Variants in KCNH7 observed in about 807,000 individuals in gnomAD.
KCNH7 encodes voltage-gated inwardly rectifying potassium channel KCNH7.
A neutral mutation model predicts 120.8 loss-of-function variants in KCNH7; 49 were observed. The ratio of observed to expected loss-of-function variants is 0.41; its 90% CI spans 0.32 to 0.51. KCNH7 has a LOEUF of 0.51. KCNH7 is among the 20% of genes least tolerant of loss of function. The probability of loss-of-function intolerance (pLI) is 0.38; values close to 1 mark genes in which losing one functional copy is unlikely to be tolerated. For missense variants in KCNH7, 1,097 were observed against 1,446.6 expected, an observed-to-expected ratio of 0.76 and a Z score of 3.92; for synonymous variants, 547 against 516.1, an observed-to-expected ratio of 1.06 and a Z score of -0.81.
At chr2:162,773,149 T>C (rs1470645048) in intron 2 of KCNH7, among the ~76,000 whole-genome samples, 1 of 152,184 alleles carries the variant, frequency 6.6e-6, no homozygotes, top group African/African-American at 2.4e-5. Context: ...TTAAACAAGA[T>C]AATTTGTAAC....
rs1422898473 is a variant in KCNH7 at position 162,384,958 on chromosome 2, A to C, written c.2711-19T>G. On this transcript the variant is annotated intron_variant, in intron 12 of 15. Transcript: ENST00000332142. ...CTGTTTTCTTTGCCAAAATATATCA[A>C]AGAAAAGTTATTTTATAGCAGACAA... 6.3e-6 allele frequency: 10 copies of C among 1,581,190 alleles called. No individual in the cohort carries two copies. Among genetic ancestry groups the C allele is most frequent in the Non-Finnish European group, 8.6e-6 (10 of 1,161,358 alleles).
intron 2 of KCNH7, among the ~76,000 whole-genome samples, chr2:162,574,507 C>T (rs1170739199): frequency 1.3e-5 from 2 of 151,952 alleles, no homozygotes; most frequent in Non-Finnish European, 2.9e-5. Flanking sequence ...CATAAGTGCA[C>T]TTGAAATGTA....
chr2:162,733,242 T>C (rs1042363125), intron 2 of KCNH7, among the ~76,000 whole-genome samples: 6 of 152,188 alleles, frequency 3.9e-5, no homozygotes, highest in African/African-American at 1.4e-4. Context: ...GCATGGATCG[T>C]TCCCAGATTC....
At chr2:162,426,625 T>C (rs1168270450) in intron 8 of KCNH7, among the ~76,000 whole-genome samples, 2 of 152,200 alleles carry the variant, frequency 1.3e-5, no homozygotes, top group Non-Finnish European at 2.9e-5. Context: ...ATATATTTGG[T>C]TGGTCAGAAG....
At chr2:162,577,370 T>TATCTATCTATCC (rs1187685455) in intron 2 of KCNH7, among the ~76,000 whole-genome samples, 13 of 150,532 alleles carry the variant, frequency 8.6e-5, no homozygotes, top group South Asian at 2.1e-4. Flanking sequence ...TCTATCTATC[T>TATCTATCTATCC]ATCTATCTAT....
chr2:162,429,806 G>GT (rs1410569497), intron 8 of KCNH7, among the ~76,000 whole-genome samples: 2 of 150,550 alleles, frequency 1.3e-5, no homozygotes, highest in Non-Finnish European at 3.0e-5. Context: ...TGGTTTTATA[G>GT]TTTTCATTAA....
intron 2 of KCNH7, among the ~76,000 whole-genome samples, chr2:162,671,375 T>C (rs1559074356): frequency 1.3e-5 from 2 of 149,370 alleles, no homozygotes; most frequent in Middle Eastern, 6.9e-3. Context: ...ATTCAGCCAT[T>C]AAAAAAATGA....
intron 14 of KCNH7, among the ~76,000 whole-genome samples, chr2:162,377,201 A>C (rs1686227759): frequency 6.6e-6 from 1 of 152,130 alleles, no homozygotes; most frequent in Non-Finnish European, 1.5e-5. Flanking sequence ...GTGGAGGTGA[A>C]AGGTTGTTAA....
At chr2:162,542,801 T>C (rs1692355431) in intron 2 of KCNH7, among the ~76,000 whole-genome samples, 2 of 152,112 alleles carry the variant, frequency 1.3e-5, no homozygotes, top group African/African-American at 4.8e-5. Flanking sequence ...GTATTTCTAG[T>C]TCTAGATCCC....
intron 2 of KCNH7, among the ~76,000 whole-genome samples, chr2:162,606,616 G>A (rs866855889): frequency 1.3e-5 from 2 of 152,040 alleles, no homozygotes; most frequent in Admixed American, 6.6e-5. Flanking sequence ...CTTCCACCTC[G>A]CTATGTATCA....
chr2:162,623,571 T>C (rs1221931473), intron 2 of KCNH7, among the ~76,000 whole-genome samples: 1 of 152,232 alleles, frequency 6.6e-6, no homozygotes, highest in African/African-American at 2.4e-5. Flanking sequence ...TAAGGTGTTT[T>C]AGTGCAGAGA....
intron 2 of KCNH7, among the ~76,000 whole-genome samples, chr2:162,818,123 A>G (rs1684979485): frequency 6.6e-6 from 1 of 151,776 alleles, no homozygotes; most frequent in Non-Finnish European, 1.5e-5. Flanking sequence ...TGATGATGTC[A>G]TATTCATTAT....
chr2:162,501,253 T>C (rs991617866), intron 6 of KCNH7, among the ~76,000 whole-genome samples: 1 of 152,114 alleles, frequency 6.6e-6, no homozygotes, highest in South Asian at 2.1e-4. Flanking sequence ...GTGTTTCACC[T>C]GACTCCAGAA....
chr2:162,636,232 C>T (rs924145466), intron 2 of KCNH7, among the ~76,000 whole-genome samples: 1 of 151,942 alleles, frequency 6.6e-6, no homozygotes, highest in African/African-American at 2.4e-5. Flanking sequence ...AGAATCTCAG[C>T]CAAAGGTAGA....
At chr2:162,690,662 C>T (rs533218541) in intron 2 of KCNH7, among the ~76,000 whole-genome samples, 4 of 152,170 alleles carry the variant, frequency 2.6e-5, no homozygotes, top group African/African-American at 9.6e-5. Flanking sequence ...AGAATCTTTG[C>T]TTTCTGCTGG....
rs544988322 is a variant in KCNH7 at position 162,836,399 on chromosome 2, G to A, written c.307+138C>T. 5.4e-5 allele frequency: 36 copies of A among 665,734 alleles called. 1 individual carries two copies. In the South Asian group the frequency reaches 7.0e-4, roughly 13 times the overall value. 41.2% of individuals were successfully genotyped at this position (665,734 alleles called of 1,614,324 possible). On this transcript the variant is annotated intron_variant, in intron 2 of 15. Transcript: ENST00000332142. The stretch of plus-strand genomic sequence containing the variant: ...ACCACTAATCAGAATACCCATATAT[G>A]TTGGATCCCAAAATACTATATGCAA...
intron 2 of KCNH7, among the ~76,000 whole-genome samples, chr2:162,714,961 G>C (rs1232805490): frequency 6.6e-6 from 1 of 152,156 alleles, no homozygotes; most frequent in Non-Finnish European, 1.5e-5. Flanking sequence ...AAACAGCTTT[G>C]TTATAAATGT....
At chr2:162,394,729 T>C (rs562294881) in intron 11 of KCNH7, among the ~76,000 whole-genome samples, 1 of 152,052 alleles carries the variant, frequency 6.6e-6, no homozygotes, top group South Asian at 2.1e-4. Flanking sequence ...GTTATTTATG[T>C]GAAATGTTTA....
chr2:162,666,730 C>T (rs995051605), intron 2 of KCNH7, among the ~76,000 whole-genome samples: 1 of 152,072 alleles, frequency 6.6e-6, no homozygotes, highest in African/African-American at 2.4e-5. Flanking sequence ...TTGTCATTTG[C>T]TAACTTCTTG....
Sources: gnomAD v4.1 joint callset for allele counts (sites outside exome capture counted in the v4.1 genomes callset) on GRCh38, gnomAD v4.1.1 for gene constraint, MANE v1.5 for transcripts, NCBI Gene and HGNC (gene_info 2026-07-23, HGNC 2026-07-21) for gene names.